Variants in FOXP2 observed in about 807,000 individuals in gnomAD.
The protein encoded by FOXP2 is forkhead box protein P2.
FOXP2 carries 12 observed loss-of-function variants against 115.8 expected under a neutral mutation model. That is an observed-to-expected ratio of 0.10 (90% CI 0.07 to 0.17). FOXP2 has a LOEUF of 0.17. Among genes scored for constraint, FOXP2 ranks in the 10% least tolerant of loss-of-function variants. The pLI is 1.00. For synonymous variants in FOXP2, 328 were observed against 297.7 expected (o/e 1.10, Z -1.05); for missense variants, 629 against 843.5 (o/e 0.75, Z 3.15).
chr7:114,483,638 G>T (rs1048747358), intron 2 of FOXP2, among the ~76,000 whole-genome samples: 1 of 151,432 alleles, frequency 6.6e-6, no homozygotes, highest in Non-Finnish European at 1.5e-5. Context: ...ATCATTTTTT[G>T]GCATTTAATG....
intron 2 of FOXP2, among the ~76,000 whole-genome samples, chr7:114,312,016 G>A (rs1406809674): frequency 2.0e-5 from 3 of 152,066 alleles, no homozygotes; most frequent in African/African-American, 7.2e-5. Flanking sequence ...GGAGGTTGCA[G>A]CAGAAGCCAG....
Position 114,257,596 on chromosome 7 carries a change from C to T in FOXP2, c.-101-30423C>T, listed in dbSNP as rs181157397. 1.6e-4 allele frequency among the ~76,000 whole-genome samples: 24 copies of T among 151,532 alleles called. No individual in the cohort carries two copies. The East Asian group carries it at 2.1e-3, about 14-fold the overall frequency. On this transcript the variant is annotated intron_variant, in intron 1 of 17. Transcript: ENST00000634411. Reference sequence around the variant, plus strand: ...AGCCTCCCGAGTAGCTGGCATTACACGAGCCTGCCACCATGCCCGGCTAGT... The same window carrying T: ...AGCCTCCCGAGTAGCTGGCATTACATGAGCCTGCCACCATGCCCGGCTAGT...
At chr7:114,445,852 A>AG (rs1213189222) in intron 2 of FOXP2, among the ~76,000 whole-genome samples, 2 of 152,132 alleles carry the variant, frequency 1.3e-5, no homozygotes, top group East Asian at 3.8e-4. Context: ...GATTTAATTA[A>AG]GTGCATGATA....
intron 2 of FOXP2, chr7:114,462,950 A>T (rs923112717): frequency 3.2e-6 from 1 of 308,018 alleles, no homozygotes; most frequent in Non-Finnish European, 6.5e-6. Flanking sequence ...ATGATACAAG[A>T]ATCAATCAAT....
intron 2 of FOXP2, among the ~76,000 whole-genome samples, chr7:114,397,310 C>T (rs1361212993): frequency 6.6e-6 from 1 of 152,058 alleles, no homozygotes; most frequent in African/African-American, 2.4e-5. Context: ...ATACCGATCA[C>T]TATACTAGGA....
At chr7:114,376,936 C>A (rs1437242742) in intron 2 of FOXP2, among the ~76,000 whole-genome samples, 1 of 152,134 alleles carries the variant, frequency 6.6e-6, no homozygotes, top group Non-Finnish European at 1.5e-5. Context: ...CACAAGAGAA[C>A]CTCTCCAAAG....
intron 1 of FOXP2, among the ~76,000 whole-genome samples, chr7:114,176,224 G>T (rs980464674): frequency 1.6e-4 from 22 of 133,490 alleles, no homozygotes; most frequent in African/African-American, 6.2e-4. Context: ...GTCTTGTCTT[G>T]TCTTGTCTTT....
intron 16 of FOXP2, 113 bp downstream of exon 16, chr7:114,664,549 G>C: frequency 2.3e-6 from 3 of 1,300,238 alleles, no homozygotes; most frequent in Non-Finnish European, 3.2e-6. Context: ...ACAAATTTAA[G>C]TGGAGTTAAA....
chr7:114,362,377 G>C (rs1328874064), intron 2 of FOXP2, among the ~76,000 whole-genome samples: 1 of 151,956 alleles, frequency 6.6e-6, no homozygotes, highest in East Asian at 1.9e-4. Flanking sequence ...TTTCTTCTCT[G>C]TCAAGGATAG....
chr7:114,589,249 CA>C (rs1194273152), intron 3 of FOXP2, among the ~76,000 whole-genome samples: 1 of 151,780 alleles, frequency 6.6e-6, no homozygotes, highest in Non-Finnish European at 1.5e-5. Context: ...GGCTTTTTTT[CA>C]AATACCTAAT....
chr7:114,568,184 C>T (rs2129294575), intron 3 of FOXP2, among the ~76,000 whole-genome samples: 1 of 152,016 alleles, frequency 6.6e-6, no homozygotes, highest in Non-Finnish European at 1.5e-5. Flanking sequence ...GTGTCGGTGG[C>T]AGTTCTGTGT....
chr7:114,664,825 A>G (rs1388995008), intron 16 of FOXP2: 9 of 233,440 alleles, frequency 3.9e-5, no homozygotes, highest in Admixed American at 1.1e-4. Context: ...TCTCTAAACC[A>G]TTTATGAACT....
chr7:114,606,212 A>T (rs190092640), intron 3 of FOXP2, among the ~76,000 whole-genome samples: 5 of 152,344 alleles, frequency 3.3e-5, no homozygotes, highest in Admixed American at 2.6e-4. Flanking sequence ...GATCTACAGT[A>T]AAAGAAACCG....
intron 3 of FOXP2, among the ~76,000 whole-genome samples, chr7:114,559,990 C>T (rs1198003250): frequency 6.6e-6 from 1 of 152,042 alleles, no homozygotes; most frequent in Non-Finnish European, 1.5e-5. Context: ...AATCTCAAAT[C>T]CTTCAAATAC....
At chr7:114,330,299 T>G (rs948213394) in intron 2 of FOXP2, among the ~76,000 whole-genome samples, 1 of 151,998 alleles carries the variant, frequency 6.6e-6, no homozygotes, top group Non-Finnish European at 1.5e-5. Flanking sequence ...ATGAGGCATA[T>G]ATGAAATATG....
intron 3 of FOXP2, among the ~76,000 whole-genome samples, chr7:114,572,643 A>C (rs1204762248): frequency 2.0e-5 from 3 of 151,830 alleles, no homozygotes; most frequent in Non-Finnish European, 4.4e-5. Flanking sequence ...ACTTTTTCCT[A>C]AAATAATCCC....
At chr7:114,604,354 A>G (rs1207920748) in intron 3 of FOXP2, among the ~76,000 whole-genome samples, 2 of 152,218 alleles carry the variant, frequency 1.3e-5, no homozygotes, top group Non-Finnish European at 2.9e-5. Context: ...ATTTCAAAAT[A>G]CAAATTTTTG....
chr7:114,531,744 A>T (rs1799153153), intron 2 of FOXP2, among the ~76,000 whole-genome samples: 1 of 152,008 alleles, frequency 6.6e-6, no homozygotes, highest in Non-Finnish European at 1.5e-5. Flanking sequence ...AAACCAAAAT[A>T]CTTTAAAGTA....
chr7:114,658,337 A>C (rs1806699455), intron 11 of FOXP2, 70 bp downstream of exon 11: 2 of 1,463,422 alleles, frequency 1.4e-6, no homozygotes, highest in Admixed American at 3.6e-5. Flanking sequence ...TCAACTGTAC[A>C]TGAGCCATTC....
Sources: allele counts gnomAD v4.1 joint callset (sites outside exome capture counted in the v4.1 genomes callset), GRCh38; gene constraint gnomAD v4.1.1; transcripts MANE v1.5; gene names NCBI Gene and HGNC (gene_info 2026-07-23, HGNC 2026-07-21).